The following ASTN2 variants were observed in gnomAD, a reference collection of about 807,000 sequenced individuals.
ASTN2 encodes astrotactin 2, also known as astrotactin-2.
In ASTN2, 54 loss-of-function variants were observed where a neutral mutation model predicts 139.8. The ratio of observed to expected loss-of-function variants is 0.39; its 90% CI spans 0.31 to 0.48. The LOEUF (loss-of-function observed/expected upper bound fraction) is 0.48, where lower values mean the gene tolerates loss of function less well. Among genes scored for constraint, ASTN2 ranks in the 20% least tolerant of loss-of-function variants. ASTN2 has a pLI of 0.95. For missense variants in ASTN2, 1,565 were observed against 1,725.1 expected, an observed-to-expected ratio of 0.91 and a Z score of 1.64; for synonymous variants, 756 against 719.5, an observed-to-expected ratio of 1.05 and a Z score of -0.81.
At chr9:116,954,435 C>T (rs1382802491) in intron 10 of ASTN2, among the ~76,000 whole-genome samples, 2 of 152,190 alleles carry the variant, frequency 1.3e-5, no homozygotes, top group Non-Finnish European at 2.9e-5. Flanking sequence ...GATGCCAATG[C>T]TGCTGGTCCA....
chr9:117,030,698 C>A (rs923172476), intron 6 of ASTN2, among the ~76,000 whole-genome samples: 1 of 150,918 alleles, frequency 6.6e-6, no homozygotes, highest in African/African-American at 2.4e-5. Flanking sequence ...CAGAAAATGG[C>A]TTAAATTTTT....
chr9:116,645,313 G>A (rs1857534880), intron 17 of ASTN2, among the ~76,000 whole-genome samples: 1 of 152,184 alleles, frequency 6.6e-6, no homozygotes. Context: ...TTAACAGGTG[G>A]AGGGAGGAGA....
intron 1 of ASTN2, among the ~76,000 whole-genome samples, chr9:117,339,482 C>T (rs1828994202): frequency 6.6e-6 from 1 of 152,090 alleles, no homozygotes; most frequent in African/African-American, 2.4e-5. Context: ...TGTCATCAGG[C>T]CAGCTGTCTT....
chr9:116,597,687 TC>T (rs1453809515), intron 19 of ASTN2, among the ~76,000 whole-genome samples: 2 of 152,156 alleles, frequency 1.3e-5, no homozygotes, highest in East Asian at 3.9e-4. Context: ...TTATTTCTCA[TC>T]TGTATAATGT....
At chr9:116,708,185 C>G (rs895191030) in intron 16 of ASTN2, among the ~76,000 whole-genome samples, 2 of 152,086 alleles carry the variant, frequency 1.3e-5, no homozygotes, top group Non-Finnish European at 2.9e-5. Flanking sequence ...GAGTGACTAT[C>G]CCCACTGCTT....
chr9:116,873,317 G>C (rs906666335), intron 10 of ASTN2, among the ~76,000 whole-genome samples: 2 of 152,234 alleles, frequency 1.3e-5, no homozygotes, highest in Non-Finnish European at 2.9e-5. Context: ...TTCCAGGGGA[G>C]GGATAGGGTG....
chr9:116,617,661 C>CA (rs907741760), intron 19 of ASTN2, among the ~76,000 whole-genome samples: 20 of 151,906 alleles, frequency 1.3e-4, no homozygotes, highest in Non-Finnish European at 2.5e-4. Context: ...GCCTGGCACA[C>CA]AAAAAAACAG....
intron 16 of ASTN2, among the ~76,000 whole-genome samples, chr9:116,675,825 C>A (rs774984170): frequency 6.6e-6 from 1 of 152,046 alleles, no homozygotes; most frequent in Non-Finnish European, 1.5e-5. Flanking sequence ...CCCAGAGACC[C>A]CATTGTGAAT....
intron 7 of ASTN2, among the ~76,000 whole-genome samples, chr9:117,003,530 GGTGT>G (rs11271769): frequency 9.7e-6 from 1 of 103,170 alleles, no homozygotes; most frequent in African/African-American, 3.6e-5. Flanking sequence ...TCTAAAGAGT[GGTGT>G]GTGTGTGTGT....
At chr9:117,132,756 C>T (rs1181308759) in intron 4 of ASTN2, among the ~76,000 whole-genome samples, 3 of 152,048 alleles carry the variant, frequency 2.0e-5, no homozygotes, top group South Asian at 2.1e-4. Context: ...TTAGAAGAGA[C>T]CTGAGGTCAA....
At chr9:116,740,685 T>C (rs984900162) in intron 13 of ASTN2, among the ~76,000 whole-genome samples, 1 of 151,814 alleles carries the variant, frequency 6.6e-6, no homozygotes, top group South Asian at 2.1e-4. Context: ...GCTAATTTTT[T>C]AATTTTTTTT....
intron 10 of ASTN2, among the ~76,000 whole-genome samples, chr9:116,910,006 AG>A (rs1834267515): frequency 6.6e-6 from 1 of 152,164 alleles, no homozygotes; most frequent in African/African-American, 2.4e-5. Flanking sequence ...TGGTGCAAAC[AG>A]GTAAGTCTCT....
chr9:117,094,446 T>C (rs10983516), intron 5 of ASTN2, among the ~76,000 whole-genome samples: 30,362 of 152,100 alleles, frequency 0.2, 3,236 homozygotes, highest in East Asian at 0.31. Flanking sequence ...ACCCATTGAC[T>C]TCCCCAGCCC....
intron 12 of ASTN2, among the ~76,000 whole-genome samples, chr9:116,811,016 T>C (rs1219721249): frequency 6.6e-6 from 1 of 152,212 alleles, no homozygotes; most frequent in Non-Finnish European, 1.5e-5. Context: ...ATTTCTTTTA[T>C]CTTTTATGTT....
At chr9:116,772,964 AG>A (rs1469753592) in intron 13 of ASTN2, among the ~76,000 whole-genome samples, 2 of 152,208 alleles carry the variant, frequency 1.3e-5, no homozygotes, top group Admixed American at 6.5e-5. Context: ...CTTTCCTAGA[AG>A]CAGTAGAATA....
intron 6 of ASTN2, among the ~76,000 whole-genome samples, chr9:117,012,772 A>C (rs1277546480): frequency 2.0e-5 from 3 of 152,196 alleles, no homozygotes; most frequent in African/African-American, 7.2e-5. Flanking sequence ...TTACCCCTTA[A>C]GGCTAGACTC....
chr9:117,171,147 A>G (rs1830782499), intron 3 of ASTN2, among the ~76,000 whole-genome samples: 1 of 136,130 alleles, frequency 7.3e-6, no homozygotes, highest in African/African-American at 2.7e-5. Flanking sequence ...AACTAGAAAC[A>G]AACAAAGGCA....
chr9:116,452,039 T>G (rs1848192550), intron 20 of ASTN2, among the ~76,000 whole-genome samples: 1 of 152,162 alleles, frequency 6.6e-6, no homozygotes, highest in Admixed American at 6.5e-5. Context: ...TGATAACACA[T>G]AATTGTACTA....
intron 1 of ASTN2, among the ~76,000 whole-genome samples, chr9:117,339,799 A>T (rs553450554): frequency 6.6e-6 from 1 of 152,070 alleles, no homozygotes; most frequent in South Asian, 2.1e-4. Flanking sequence ...AGAAGCACAC[A>T]TACCACTCAG....
Sources: allele counts gnomAD v4.1 joint callset (sites outside exome capture counted in the v4.1 genomes callset), GRCh38; gene constraint gnomAD v4.1.1; transcripts MANE v1.5; gene names NCBI Gene and HGNC (gene_info 2026-07-23, HGNC 2026-07-21).